Variants in PIAS1 observed in about 807,000 individuals in gnomAD.
PIAS1 encodes the protein E3 SUMO-protein ligase PIAS1.
In PIAS1, 6 loss-of-function variants were observed where a neutral mutation model predicts 71.3. The observed-to-expected ratio is 0.08, with a 90% CI of 0.05 to 0.17. The LOEUF (loss-of-function observed/expected upper bound fraction) is 0.17, where lower values mean the gene tolerates loss of function less well. Among genes scored for constraint, PIAS1 ranks in the 10% least tolerant of loss-of-function variants. PIAS1 has a pLI of 1.00. For missense variants in PIAS1, 555 were observed against 793.6 expected (o/e 0.70, Z 3.61); for synonymous variants, 303 against 292.9 (o/e 1.03, Z -0.35).
In PIAS1 at chr15:68,171,870, ATATTC is replaced by A. The variant is rs2092993410; in HGVS notation, c.1009-1860_1009-1856del. On this transcript the variant is annotated intron_variant, in intron 8 of 13. Coordinates refer to ENST00000249636, the MANE Select transcript of PIAS1 (RefSeq NM_016166.3). This position sits in a 1 kb window ranked among gnomAD's most constrained non-coding sequence, Gnocchi z 4.4. ...CAAGAATCTTTTCCTCATTTAACTC[ATATTC>A]TTTTCAAGCCTTTATATTTTTCTTT... 6.6e-6 allele frequency among the ~76,000 whole-genome samples: 1 copy of A among 151,694 alleles called. No homozygotes were observed. The highest frequency in any genetic ancestry group is 1.5e-5 in the Non-Finnish European group (1 of 67,924).
At chr15:68,079,589 C>T (rs887799651) in intron 1 of PIAS1, among the ~76,000 whole-genome samples, 40 of 152,128 alleles carry the variant, frequency 2.6e-4, no homozygotes, top group Non-Finnish European at 1.2e-4. Flanking sequence ...GCTTCAGTCT[C>T]CTGAGTTCCT....
intron 1 of PIAS1, among the ~76,000 whole-genome samples, chr15:68,072,386 C>G (rs945261354): frequency 1.6e-4 from 17 of 109,592 alleles, no homozygotes; most frequent in African/African-American, 6.6e-4. Flanking sequence ...GGTGACAGAG[C>G]GAGACTCCAT....
intron 8 of PIAS1, among the ~76,000 whole-genome samples, chr15:68,172,957 AG>A (rs149006898): frequency 1.5e-3 from 225 of 152,348 alleles, no homozygotes; most frequent in African/African-American, 5.3e-3. Flanking sequence ...GAAGCAATGC[AG>A]AGTGTGTGCA....
At chr15:68,150,278 G>A (rs2092835937) in intron 6 of PIAS1, among the ~76,000 whole-genome samples, 1 of 152,116 alleles carries the variant, frequency 6.6e-6, no homozygotes, top group Admixed American at 6.6e-5. Flanking sequence ...TGAAACTGTA[G>A]GAGAGGAGGG....
intron 1 of PIAS1, among the ~76,000 whole-genome samples, chr15:68,082,207 C>T (rs1018358611): frequency 5.9e-5 from 9 of 152,126 alleles, no homozygotes; most frequent in African/African-American, 2.2e-4. Flanking sequence ...TGCCCCCTTT[C>T]TCAGAAAGCT....
chr15:68,146,234 A>G (rs2092807044), intron 5 of PIAS1, among the ~76,000 whole-genome samples: 1 of 152,170 alleles, frequency 6.6e-6, no homozygotes, highest in African/African-American at 2.4e-5. Context: ...TATGTCTTAA[A>G]CAGGAGGTAA....
chr15:68,162,683 G>A (rs1043034869), intron 7 of PIAS1, among the ~76,000 whole-genome samples: 2 of 152,182 alleles, frequency 1.3e-5, no homozygotes, highest in African/African-American at 4.8e-5. Flanking sequence ...GGCCTAAGAG[G>A]GGTGAGGAGA....
chr15:68,179,564 C>CTTTTTTTGTTTTTTTTTTTTT (rs2093040261), intron 11 of PIAS1, among the ~76,000 whole-genome samples: 1 of 40,094 alleles, frequency 2.5e-5, no homozygotes, highest in African/African-American at 9.7e-5. Context: ...GTGAAATGTT[C>CTTTTTTTGTTTTTTTTTTTTT]TTTTTTTTTT....
intron 2 of PIAS1, among the ~76,000 whole-genome samples, chr15:68,113,980 ATCTCTCTCTG>A (rs1349220010): frequency 2.0e-5 from 3 of 151,492 alleles, no homozygotes; most frequent in African/African-American, 7.3e-5. Context: ...TAGCAATAGG[ATCTCTCTCTG>A]TCTCTCTCTT....
intron 1 of PIAS1, chr15:68,055,801 C>T (rs971456565): frequency 1.1e-5 from 7 of 631,996 alleles, no homozygotes; most frequent in African/African-American, 9.1e-5. Context: ...ACTTCTAGAA[C>T]AACCAAATGC....
intron 2 of PIAS1, among the ~76,000 whole-genome samples, chr15:68,137,112 C>T (rs1190643700): frequency 6.6e-6 from 1 of 152,152 alleles, no homozygotes; most frequent in Non-Finnish European, 1.5e-5. Context: ...AGCACTCTTG[C>T]GATGTGTCAG....
rs1372887747 is a variant in PIAS1, at chr15:68,186,512, T to C, written c.1663-1030T>C. On this transcript the variant is annotated intron_variant, in intron 13 of 13. Transcript: ENST00000249636. The surrounding 1 kb of genome is among the most constrained non-coding windows in gnomAD (Gnocchi z 4.4). ...TTAGTTAGCTAATGTTAATTTATTA[T>C]TGAAGAAAGAAAAATATTTTTAACA... Among the ~76,000 whole-genome samples, 1 of 152,222 alleles carries C rather than the reference T, an allele frequency of 6.6e-6. No homozygotes were observed. The highest frequency in any genetic ancestry group is 2.4e-5 in the African/African-American group (1 of 41,450).
At chr15:68,122,011 C>T (rs901412878) in intron 2 of PIAS1, among the ~76,000 whole-genome samples, 1 of 152,124 alleles carries the variant, frequency 6.6e-6, no homozygotes, top group Non-Finnish European at 1.5e-5. Flanking sequence ...CACCTGTAGT[C>T]CCAGCTACTT....
At chr15:68,115,733 G>C (rs1405296465) in intron 2 of PIAS1, among the ~76,000 whole-genome samples, 1 of 152,054 alleles carries the variant, frequency 6.6e-6, no homozygotes, top group East Asian at 1.9e-4. Flanking sequence ...TTTCTGGAGA[G>C]TGTTTATTAG....
chr15:68,175,666 C>T lies in PIAS1; in HGVS notation c.1199C>T (p.Thr400Ile). 3 of 1,581,088 alleles carry T rather than the reference C, an allele frequency of 1.9e-6. No homozygotes were observed. The highest frequency in any genetic ancestry group is 1.7e-5 in the Admixed American group (1 of 57,532). Residue 400 changes from threonine to isoleucine, a missense_variant, in exon 10 of 14, where the codon ACA becomes ATA. Around this residue, in one of 5 missense-constraint regions of PIAS1, gnomAD observed 244 missense variants for 307.5 expected, o/e 0.79. Transcript: ENST00000249636. ...GLFMEILKYC[T>I]DCDEIQFKED... Reference sequence around the variant, plus strand: ...TTTATGGAAATCCTAAAGTACTGTACAGACTGTGATGAAATACAATTTAAG... The same window carrying T: ...TTTATGGAAATCCTAAAGTACTGTATAGACTGTGATGAAATACAATTTAAG...
Position 68,176,672 on chromosome 15 carries a change from TAA to T in PIAS1, c.1481+27_1481+28del. ...AATAAAGGGTAAGTGCTGAGACATTTAAAAAAAAAAGTAATCATGAAAATTAA... is the reference window on the plus strand; with the variant it reads ...AATAAAGGGTAAGTGCTGAGACATTTAAAAAAAAGTAATCATGAAAATTAA... On this transcript the variant is annotated intron_variant, in intron 11 of 13. Transcript: ENST00000249636. The T allele has an allele frequency of 1.3e-5, 18 of 1,367,190 alleles. No individual in the cohort carries two copies. The highest frequency in any genetic ancestry group is 3.0e-5 in the South Asian group (2 of 67,712). 84.7% of individuals were successfully genotyped at this position (1,367,190 alleles called of 1,614,324 possible). A position where few individuals can be genotyped will look rare whatever the true frequency, so the allele number is the denominator to read the frequency against.
At position 68,192,833 on chromosome 15, in the gene PIAS1, A is replaced by G. The variant is rs1173736001; in HGVS notation, c.*4998A>G. 6.6e-6 allele frequency: 1 copy of G among 152,206 alleles called. No individual in the cohort carries two copies. Among genetic ancestry groups the G allele is most frequent in the East Asian group, 1.9e-4 (1 of 5,198 alleles). 9.4% of individuals were successfully genotyped at this position (152,206 alleles called of 1,614,324 possible). ...ACTTTTGATACATACATGGATGCAA[A>G]TCTTTGTACTTGAAGCCCTGCACCC... is the stretch of plus-strand genomic sequence containing the variant. On this transcript the variant is annotated 3_prime_UTR_variant, in exon 14 of 14. Coordinates refer to ENST00000249636, the MANE Select transcript of PIAS1 (RefSeq NM_016166.3).
chr15:68,066,594 C>A (rs914549753), intron 1 of PIAS1, among the ~76,000 whole-genome samples: 2 of 152,038 alleles, frequency 1.3e-5, no homozygotes, highest in Admixed American at 6.6e-5. Context: ...GAAACAGGAC[C>A]TAGAAATTGT....
At chr15:68,103,892 A>G (rs1421086594) in intron 2 of PIAS1, among the ~76,000 whole-genome samples, 1 of 152,214 alleles carries the variant, frequency 6.6e-6, no homozygotes, top group Non-Finnish European at 1.5e-5. Flanking sequence ...TTTGGCTAAT[A>G]TGAATATTCG....
Sources: gnomAD v4.1 joint callset for allele counts (sites outside exome capture counted in the v4.1 genomes callset) on GRCh38, gnomAD v4.1.1 for gene constraint, gnomAD v4.1.1 regional missense constraint, Gnocchi (gnomAD v3.1) non-coding constraint, MANE v1.5 for transcripts, NCBI Gene and HGNC (gene_info 2026-07-23, HGNC 2026-07-21) for gene names.